Variants in GRID2 observed in about 807,000 individuals in gnomAD.
GRID2 encodes the protein glutamate receptor ionotropic, delta-2.
A neutral mutation model predicts 114.8 loss-of-function variants in GRID2; 33 were observed. That is an observed-to-expected ratio of 0.29 (90% CI 0.22 to 0.38). GRID2 has a LOEUF of 0.38. Among genes scored for constraint, GRID2 ranks in the 10% least tolerant of loss-of-function variants. The pLI, the probability that GRID2 is intolerant of heterozygous loss-of-function variation, is 1.00. For missense variants in GRID2, 1,184 were observed against 1,257.7 expected, an observed-to-expected ratio of 0.94 and a Z score of 0.89; for synonymous variants, 505 against 449.9, an observed-to-expected ratio of 1.12 and a Z score of -1.55.
chr4:92,775,504 A>T (rs1738750158), intron 2 of GRID2, among the ~76,000 whole-genome samples: 1 of 152,190 alleles, frequency 6.6e-6, no homozygotes, highest in Non-Finnish European at 1.5e-5. Flanking sequence ...TGATATAGCA[A>T]ACTAAAAATG....
intron 8 of GRID2, among the ~76,000 whole-genome samples, chr4:93,311,658 C>T (rs556308160): frequency 6.6e-6 from 1 of 152,194 alleles, no homozygotes; most frequent in South Asian, 2.1e-4. Flanking sequence ...CAACATTTAA[C>T]AGGTTATTGT....
intron 14 of GRID2, among the ~76,000 whole-genome samples, chr4:93,735,514 T>C (rs532223376): frequency 1.3e-5 from 2 of 152,146 alleles, no homozygotes; most frequent in South Asian, 2.1e-4. Context: ...CCATATTATA[T>C]AGAAAAACTG....
intron 8 of GRID2, among the ~76,000 whole-genome samples, chr4:93,332,860 A>T (rs1758642782): frequency 6.6e-6 from 1 of 152,070 alleles, no homozygotes; most frequent in African/African-American, 2.4e-5. Flanking sequence ...CTCCCCAGGT[A>T]ATTAATCACA....
chr4:92,958,033 T>C (rs1336635011), intron 2 of GRID2, among the ~76,000 whole-genome samples: 1 of 152,114 alleles, frequency 6.6e-6, no homozygotes, highest in Non-Finnish European at 1.5e-5. Context: ...CACTTGTTAG[T>C]TTCAGGAACT....
At chr4:92,404,607 A>G (rs1289999073) in intron 1 of GRID2, among the ~76,000 whole-genome samples, 2 of 152,200 alleles carry the variant, frequency 1.3e-5, no homozygotes, top group Non-Finnish European at 2.9e-5. Flanking sequence ...AGCACTATTC[A>G]CAGGAGCAAA....
At chr4:93,068,132 T>G (rs1171114205) in intron 2 of GRID2, among the ~76,000 whole-genome samples, 1 of 152,056 alleles carries the variant, frequency 6.6e-6, no homozygotes, top group Non-Finnish European at 1.5e-5. Flanking sequence ...TAACTCCAAA[T>G]AAATTCAAAT....
At chr4:93,097,830 T>C (rs978517837) in intron 3 of GRID2, among the ~76,000 whole-genome samples, 6 of 151,888 alleles carry the variant, frequency 4.0e-5, no homozygotes, top group African/African-American at 9.7e-5. Context: ...AACACACACA[T>C]TGATCAAAAT....
At chr4:93,744,339 A>G (rs1228799964) in intron 14 of GRID2, among the ~76,000 whole-genome samples, 1 of 152,106 alleles carries the variant, frequency 6.6e-6, no homozygotes, top group Non-Finnish European at 1.5e-5. Flanking sequence ...AAATTGAAAA[A>G]CCTTCTGGAA....
chr4:92,912,742 A>C (rs1748482177), intron 2 of GRID2, among the ~76,000 whole-genome samples: 1 of 151,846 alleles, frequency 6.6e-6, no homozygotes, highest in Non-Finnish European at 1.5e-5. Flanking sequence ...GTCGAAAACA[A>C]ACTCTTTAAG....
Position 93,574,532 on chromosome 4 carries a change from T to C in GRID2, c.2194-51737T>C, listed in dbSNP as rs567230202. Among the ~76,000 whole-genome samples the C allele has an allele frequency of 4.7e-4, 71 of 152,304 alleles. No homozygotes were observed. In the Middle Eastern group the frequency reaches 0.01, roughly 22 times the overall value. On this transcript the variant is annotated intron_variant, in intron 13 of 15. Transcript: ENST00000282020. ...GCAGAAGGCAAGGAGAAGCAACTCATGTCTTACCTGGTTGGCAGCAGGCAG... is the reference window on the plus strand; with the variant it reads ...GCAGAAGGCAAGGAGAAGCAACTCACGTCTTACCTGGTTGGCAGCAGGCAG...
intron 8 of GRID2, among the ~76,000 whole-genome samples, chr4:93,271,059 T>G (rs1395635617): frequency 6.6e-6 from 1 of 152,210 alleles, no homozygotes; most frequent in East Asian, 1.9e-4. Flanking sequence ...GGCTACATTA[T>G]ATGATTTGAA....
At chr4:93,319,538 A>G (rs1163114077) in intron 8 of GRID2, 1 of 151,980 alleles carries the variant, frequency 6.6e-6, no homozygotes, top group Non-Finnish European at 1.5e-5. Context: ...TACAGATGCA[A>G]TTAAGGTTAC....
rs117129293 is a variant in GRID2 at position 93,248,591 on chromosome 4, C to T, written c.1245+10101C>T. 2.4e-4 allele frequency among the ~76,000 whole-genome samples: 36 copies of T among 152,232 alleles called. 3 individuals carry two copies. In the East Asian group the frequency reaches 5.8e-3, roughly 25 times the overall value. On this transcript the variant is annotated intron_variant, in intron 8 of 15. Transcript: ENST00000282020. ...GAGAGAAAGATATATATATCTTGTT[C>T]TCTCAGGCCTATCTGGACGCCTCAA...
At chr4:93,509,835 A>G (rs1560696508) in intron 12 of GRID2, among the ~76,000 whole-genome samples, 1 of 152,138 alleles carries the variant, frequency 6.6e-6, no homozygotes, top group Non-Finnish European at 1.5e-5. Context: ...GTTCCTTTAA[A>G]TGCTACATTT....
intron 1 of GRID2, among the ~76,000 whole-genome samples, chr4:92,550,362 A>G (rs1451860340): frequency 1.3e-5 from 2 of 152,322 alleles, no homozygotes; most frequent in Admixed American, 1.3e-4. Context: ...TTAGTTTATA[A>G]TAGTATGTTA....
chr4:93,362,777 G>A (rs1054257022), intron 8 of GRID2, among the ~76,000 whole-genome samples: 1 of 152,222 alleles, frequency 6.6e-6, no homozygotes, highest in African/African-American at 2.4e-5. Flanking sequence ...AAGATAGCCT[G>A]CAAGTTGGGT....
intron 14 of GRID2, among the ~76,000 whole-genome samples, chr4:93,695,931 T>C (rs1726979609): frequency 6.6e-6 from 1 of 152,244 alleles, no homozygotes; most frequent in East Asian, 1.9e-4. Context: ...AATGGATATA[T>C]GCATATCTGT....
intron 1 of GRID2, among the ~76,000 whole-genome samples, chr4:92,447,684 C>G (rs1733543359): frequency 1.3e-5 from 2 of 152,176 alleles, no homozygotes; most frequent in Non-Finnish European, 2.9e-5. Context: ...ACAGTGCTTG[C>G]AGATTCCAAA....
chr4:92,797,212 G>A (rs747348856), intron 2 of GRID2, among the ~76,000 whole-genome samples: 3 of 151,872 alleles, frequency 2.0e-5, no homozygotes, highest in African/African-American at 4.8e-5. Flanking sequence ...AAGGTTTATG[G>A]TATTGCATTC....
Sources: allele counts gnomAD v4.1 joint callset (sites outside exome capture counted in the v4.1 genomes callset), GRCh38; gene constraint gnomAD v4.1.1; transcripts MANE v1.5; gene names NCBI Gene and HGNC (gene_info 2026-07-23, HGNC 2026-07-21).